Variants in ADCY8 observed in about 807,000 individuals in gnomAD.
ADCY8 encodes the protein adenylate cyclase 8.
In ADCY8, 51 loss-of-function variants were observed where a neutral mutation model predicts 119.7. The observed-to-expected ratio is 0.43, with a 90% CI of 0.34 to 0.54. The LOEUF (loss-of-function observed/expected upper bound fraction) is 0.54. Among genes scored for constraint, ADCY8 ranks in the 20% least tolerant of loss-of-function variants. ADCY8 has a pLI of 0.03. For missense variants in ADCY8, 1,383 were observed against 1,598.8 expected (o/e 0.87, Z 2.30); for synonymous variants, 665 against 651.0 (o/e 1.02, Z -0.33).
chr8:130,967,935 T>C (rs1404063828), intron 2 of ADCY8, among the ~76,000 whole-genome samples: 1 of 152,174 alleles, frequency 6.6e-6, no homozygotes, highest in Non-Finnish European at 1.5e-5. Flanking sequence ...TCAGGCAAGT[T>C]ACTTAACCTC....
At chr8:131,038,245 G>A (rs756359888) in intron 1 of ADCY8, among the ~76,000 whole-genome samples, 4 of 152,062 alleles carry the variant, frequency 2.6e-5, no homozygotes, top group Non-Finnish European at 5.9e-5. Context: ...ATTCAAATTC[G>A]ACCATAAGGA....
At chr8:131,013,911 C>G (rs1008866507) in intron 1 of ADCY8, among the ~76,000 whole-genome samples, 2 of 152,258 alleles carry the variant, frequency 1.3e-5, no homozygotes, top group African/African-American at 4.8e-5. Flanking sequence ...TTCTGTTATA[C>G]TTTACCAAAA....
At chr8:130,937,276 G>A in intron 4 of ADCY8, 76 bp from the exon 5 acceptor site, 1 of 1,502,538 alleles carries the variant, frequency 6.7e-7, no homozygotes, top group South Asian at 1.3e-5. Context: ...TGAGAAAGAG[G>A]CGAGCAGGGT....
intron 1 of ADCY8, among the ~76,000 whole-genome samples, chr8:131,000,594 G>A (rs140543186): frequency 6.6e-6 from 1 of 152,248 alleles, no homozygotes; most frequent in East Asian, 1.9e-4. Context: ...GAAGCTCGAA[G>A]TTTAGTCATT....
intron 8 of ADCY8, among the ~76,000 whole-genome samples, chr8:130,869,953 CTT>C (rs372889047): frequency 7.2e-5 from 5 of 69,494 alleles, no homozygotes; most frequent in South Asian, 1.2e-3. Context: ...TCTTCTTCTT[CTT>C]CTTCTTCCTT....
chr8:130,780,447 G>A lies in ADCY8; in HGVS notation c.3699C>T (p.Pro1233=). The stretch of plus-strand genomic sequence containing the variant: ...CCTGGGCTCCAGGCTCTGTGCCGCT[G>A]GGTGACAACAAAGTCCGCCGGTTGT... ...GHYNRRTLLS[P]SGTEPGAQAE... is the part of the protein sequence containing the mutation. The change falls in exon 18 of 18, where the codon CCC becomes CCT. Residue 1233 remains proline, a synonymous_variant. Transcript: ENST00000286355. The A allele has an allele frequency of 1.2e-6, 2 of 1,613,370 alleles. No homozygotes were observed. Among genetic ancestry groups the A allele is most frequent in the South Asian group, 2.2e-5 (2 of 91,038 alleles).
intron 8 of ADCY8, among the ~76,000 whole-genome samples, chr8:130,881,563 A>G (rs944377762): frequency 6.6e-6 from 1 of 152,136 alleles, no homozygotes; most frequent in African/African-American, 2.4e-5. Flanking sequence ...ACATACTTTT[A>G]TGGTCCAGAC....
Position 131,000,851 on chromosome 8 carries a change from G to C in ADCY8, c.961-10309C>G, listed in dbSNP as rs375413656. Among the ~76,000 whole-genome samples the C allele has an allele frequency of 7.9e-5, 12 of 152,138 alleles. No individual in the cohort carries two copies. The East Asian group carries it at 1.6e-3, about 20-fold the overall frequency. On this transcript the variant is annotated intron_variant, in intron 1 of 17. Coordinates refer to ENST00000286355, the MANE Select transcript of ADCY8 (RefSeq NM_001115.3). ...AAGAGACAACACGCACCTTGGGAAG[G>C]AGGTGCGCGTTGTCTGCAGGCCTTT...
chr8:130,953,864 T>C (rs771748189), intron 2 of ADCY8, among the ~76,000 whole-genome samples: 87 of 152,306 alleles, frequency 5.7e-4, no homozygotes, highest in Middle Eastern at 3.4e-3. Flanking sequence ...TTCTCTTGAG[T>C]GCTATCCCAT....
chr8:131,012,178 G>A (rs180843312), intron 1 of ADCY8, among the ~76,000 whole-genome samples: 1 of 152,294 alleles, frequency 6.6e-6, no homozygotes, highest in Non-Finnish European at 1.5e-5. Flanking sequence ...ACCTGAGCAT[G>A]TTGGGTTCTT....
Position 130,815,444 on chromosome 8 carries a change from G to T in ADCY8, c.2755-1217C>A, listed in dbSNP as rs184606571. On this transcript the variant is annotated intron_variant, in intron 13 of 17. Transcript: ENST00000286355. ...CTTACATGGTGCTTATCATATACCA[G>T]GAATGTTTTTAAACAATATACATAT... 6.6e-5 allele frequency among the ~76,000 whole-genome samples: 10 copies of T among 152,190 alleles called. No homozygotes were observed. The East Asian group carries it at 1.9e-3, about 29-fold the overall frequency.
Position 130,886,485 on chromosome 8 carries a change from A to G in ADCY8, c.1912-1724T>C, listed in dbSNP as rs1186676738. On this transcript the variant is annotated intron_variant, in intron 7 of 17. Coordinates refer to ENST00000286355, the MANE Select transcript of ADCY8 (RefSeq NM_001115.3). ...AAATGCTATTAGTGCAGCATCCCAG[A>G]GAGCAAAGGAAGCTGAACTGTCAGC... is the stretch of plus-strand genomic sequence containing the variant. 2.6e-5 allele frequency among the ~76,000 whole-genome samples: 4 copies of G among 152,136 alleles called. No individual in the cohort carries two copies. The South Asian group carries it at 8.3e-4, about 32-fold the overall frequency.
At chr8:130,847,629 C>T in intron 10 of ADCY8, 116 bp from the exon 11 acceptor site, 1 of 779,416 alleles carries the variant, frequency 1.3e-6, no homozygotes, top group East Asian at 2.6e-5. Context: ...TCAGCACGAG[C>T]CTGGGTAGAC....
At chr8:130,825,381 G>A (rs1816639431) in intron 12 of ADCY8, among the ~76,000 whole-genome samples, 1 of 152,202 alleles carries the variant, frequency 6.6e-6, no homozygotes, top group African/African-American at 2.4e-5. Context: ...GCAGGTGTCT[G>A]TTTTCATGAT....
intron 8 of ADCY8, among the ~76,000 whole-genome samples, chr8:130,873,310 A>G (rs1377354769): frequency 6.6e-6 from 1 of 151,632 alleles, no homozygotes. Context: ...CTAAACTGTA[A>G]CTGTACTCTG....
chr8:130,854,343 G>A (rs1373120935), intron 9 of ADCY8, among the ~76,000 whole-genome samples: 2 of 152,186 alleles, frequency 1.3e-5, no homozygotes, highest in Non-Finnish European at 2.9e-5. Flanking sequence ...TAGACATTAA[G>A]TCCTAATTAT....
intron 2 of ADCY8, among the ~76,000 whole-genome samples, chr8:130,982,154 A>G (rs1404761161): frequency 6.6e-6 from 1 of 152,204 alleles, no homozygotes; most frequent in East Asian, 1.9e-4. Context: ...TCCTACCCAC[A>G]TCGGGTAAAC....
intron 9 of ADCY8, among the ~76,000 whole-genome samples, chr8:130,859,360 C>G (rs1563697152): frequency 6.6e-6 from 1 of 152,188 alleles, no homozygotes; most frequent in Non-Finnish European, 1.5e-5. Context: ...AACTGACTCC[C>G]ACCATCTGCC....
At chr8:130,939,563 A>G (rs1820896045) in intron 4 of ADCY8, among the ~76,000 whole-genome samples, 1 of 152,182 alleles carries the variant, frequency 6.6e-6, no homozygotes, top group East Asian at 1.9e-4. Flanking sequence ...GGGAGGGATG[A>G]GGGAAAGGGG....
Sources: gnomAD v4.1 joint callset for allele counts (sites outside exome capture counted in the v4.1 genomes callset) on GRCh38, gnomAD v4.1.1 for gene constraint, MANE v1.5 for transcripts, NCBI Gene and HGNC (gene_info 2026-07-23, HGNC 2026-07-21) for gene names.